The following AMZ1 variants were observed in gnomAD, a reference collection of about 807,000 sequenced individuals.
The protein encoded by AMZ1 is archaelysin family metallopeptidase 1, also known as archaemetzincin-1.
AMZ1 carries 39 observed loss-of-function variants against 29.9 expected under a neutral mutation model. The ratio of observed to expected loss-of-function variants is 1.30; its 90% CI spans 1.01 to 1.70. The LOEUF is 1.70. AMZ1 is among the 40% of genes most tolerant of loss of function. The pLI, the probability that AMZ1 is intolerant of heterozygous loss-of-function variation, is 0.00. For missense variants in AMZ1, 1,041 were observed against 680.6 expected, an observed-to-expected ratio of 1.53 and a Z score of -5.89; for synonymous variants, 458 against 304.0, an observed-to-expected ratio of 1.51 and a Z score of -5.27.
At chr7:2,732,869 C>T (rs955538728) in intron 4 of AMZ1, among the ~76,000 whole-genome samples, 11 of 152,186 alleles carry the variant, frequency 7.2e-5, no homozygotes, top group African/African-American at 2.4e-4. Context: ...CAATGCATGA[C>T]CTTATTAGGT....
downstream of AMZ1, among the ~76,000 whole-genome samples, chr7:2,721,693 G>A (rs1789426710): frequency 6.6e-6 from 1 of 150,540 alleles, no homozygotes; most frequent in Admixed American, 6.6e-5. Context: ...TCCAACCTGG[G>A]CAACAGAGCG....
At chr7:2,747,442 G>A (rs1049504562) in intron 4 of AMZ1, among the ~76,000 whole-genome samples, 4 of 152,208 alleles carry the variant, frequency 2.6e-5, no homozygotes, top group African/African-American at 9.7e-5. Flanking sequence ...CTCAGTAGAT[G>A]CAGAAAAGGC....
intron 1 of AMZ1, among the ~76,000 whole-genome samples, chr7:2,680,495 C>T (rs540744560): frequency 7.2e-4 from 109 of 152,308 alleles, no homozygotes; most frequent in African/African-American, 2.2e-3. Context: ...CCGGGCACGT[C>T]CTTGGCACCC....
At chr7:2,694,304 G>T (rs1562359224) in intron 1 of AMZ1, among the ~76,000 whole-genome samples, 2 of 152,204 alleles carry the variant, frequency 1.3e-5, no homozygotes, top group Non-Finnish European at 2.9e-5. Flanking sequence ...CTTGCCCCGG[G>T]ACTGGATGTC....
In AMZ1 at chr7:2,717,805, T is replaced by A. The variant is rs1321874174; in HGVS notation, c.*4927T>A. On this transcript the variant is annotated 3_prime_UTR_variant, in exon 7 of 7. Coordinates refer to ENST00000683327, the MANE Select transcript of AMZ1 (RefSeq NM_001384743.1). ...GAAGAATGGAGGTTTATTTTTGAAC[T>A]CAGCTTCTTGGGTAGGGAGGCAAAT... is the stretch of plus-strand genomic sequence containing the variant. Among the ~76,000 whole-genome samples, 2 of 152,166 alleles carry A rather than the reference T, an allele frequency of 1.3e-5. No homozygotes were observed. Among genetic ancestry groups the A allele is most frequent in the African/African-American group, 4.8e-5 (2 of 41,438 alleles).
chr7:2,707,936 G>GTCTCAGAC (rs111888815), intron 3 of AMZ1, among the ~76,000 whole-genome samples: 27,282 of 148,508 alleles, frequency 0.18, 4,955 homozygotes, highest in African/African-American at 0.48. Context: ...CAATTCTCCC[G>GTCTCAGAC]TCTCAGACTC....
chr7:2,704,476 C>T lies in AMZ1; in HGVS notation c.472+1587C>T, dbSNP rs368757776. Among the ~76,000 whole-genome samples, 800 of 85,370 alleles carry T rather than the reference C, an allele frequency of 9.4e-3. 9 individuals carry two copies. The highest frequency in any genetic ancestry group is 0.032 in the African/African-American group (751 of 23,264). The allele number at this position is 85,370 out of a possible 152,430, so 56.0% of individuals were successfully genotyped here. A position where few individuals can be genotyped will look rare whatever the true frequency, so the allele number is the denominator to read the frequency against. On this transcript the variant is annotated intron_variant, in intron 3 of 6. Coordinates refer to ENST00000683327, the MANE Select transcript of AMZ1 (RefSeq NM_001384743.1). Reference sequence around the variant, plus strand: ...CTATCCTGGGTGACAGAACAAGACCCGATCATTAAAAAAAAATCACAACCC... The same window carrying T: ...CTATCCTGGGTGACAGAACAAGACCTGATCATTAAAAAAAAATCACAACCC...
chr7:2,720,944 G>A (rs1000990566), downstream of AMZ1, among the ~76,000 whole-genome samples: 11 of 152,206 alleles, frequency 7.2e-5, no homozygotes, highest in African/African-American at 2.7e-4. Context: ...CTCACGAAGT[G>A]CCTGGATTAC....
intron 4 of AMZ1, among the ~76,000 whole-genome samples, chr7:2,755,734 T>C (rs1355976330): frequency 6.6e-6 from 1 of 152,268 alleles, no homozygotes; most frequent in African/African-American, 2.4e-5. Flanking sequence ...TTCCTTTTCT[T>C]GCCTTACTGC....
chr7:2,696,917 G>T lies in AMZ1; in HGVS notation c.-218-3317G>T, dbSNP rs151070972. ...AAAACAAAAACAAAAAACCTTGAGGGCTGGTGGGATTGTAAACTGGTGTGA... is the reference window on the plus strand; with the variant it reads ...AAAACAAAAACAAAAAACCTTGAGGTCTGGTGGGATTGTAAACTGGTGTGA... On this transcript the variant is annotated intron_variant, in intron 1 of 6. Coordinates refer to ENST00000683327, the MANE Select transcript of AMZ1 (RefSeq NM_001384743.1). Among the ~76,000 whole-genome samples, 342 of 152,128 alleles carry T rather than the reference G, an allele frequency of 2.2e-3. 3 individuals are homozygous for T. Among genetic ancestry groups the T allele is most frequent in the African/African-American group, 7.6e-3 (315 of 41,518 alleles).
At chr7:2,693,907 T>C (rs1787554535) in intron 1 of AMZ1, among the ~76,000 whole-genome samples, 1 of 152,226 alleles carries the variant, frequency 6.6e-6, no homozygotes. Context: ...CCTTCTATGC[T>C]ATTTACTTAG....
chr7:2,712,278 G>A (rs970721885), intron 6 of AMZ1, 52 bp from the exon 7 acceptor site: 3 of 1,494,482 alleles, frequency 2.0e-6, no homozygotes, highest in Admixed American at 4.7e-5. Context: ...CAGTTCCCTG[G>A]CTAGACAAGG....
chr7:2,693,396 G>A (rs1258385737), intron 1 of AMZ1, among the ~76,000 whole-genome samples: 1 of 151,930 alleles, frequency 6.6e-6, no homozygotes, highest in African/African-American at 2.4e-5. Flanking sequence ...GATTGTTGTT[G>A]TTGGACACAG....
At chr7:2,689,372 G>GGC (rs1787248869) in intron 1 of AMZ1, among the ~76,000 whole-genome samples, 1 of 151,778 alleles carries the variant, frequency 6.6e-6, no homozygotes, top group African/African-American at 2.4e-5. Flanking sequence ...AACCTCCCTG[G>GGC]GGGGGGGATG....
chr7:2,731,025 C>T lies in AMZ1; in HGVS notation n.550+21209C>T, dbSNP rs996433102. 6 of 572,530 alleles carry T rather than the reference C, an allele frequency of 1.0e-5. No homozygotes were observed. The highest frequency in any genetic ancestry group is 4.5e-4 in the Middle Eastern group (1 of 2,202). The allele number at this position is 572,530 out of a possible 1,614,324, so 35.5% of individuals were successfully genotyped here. On this transcript the variant is annotated intron_variant and non_coding_transcript_variant, in intron 4 of 4. Transcript: ENST00000489665. This position sits in a 1 kb window ranked among gnomAD's most constrained non-coding sequence, Gnocchi z 6.0. ...TTTCCATGTCCTTTTGCCTAGAGCT[C>T]GCTGGCTGGCTGGTCTGACAGCATT...
At chr7:2,680,300 C>G (rs1786836357) in intron 1 of AMZ1, among the ~76,000 whole-genome samples, 1 of 152,152 alleles carries the variant, frequency 6.6e-6, no homozygotes, top group Non-Finnish European at 1.5e-5. Context: ...GCACTCGGCT[C>G]TCTGGGGACC....
chr7:2,748,868 C>G (rs1364852741), intron 4 of AMZ1, among the ~76,000 whole-genome samples: 3 of 152,180 alleles, frequency 2.0e-5, no homozygotes, highest in African/African-American at 7.2e-5. Context: ...ACAGACACTT[C>G]TCAAAAAAAG....
upstream of AMZ1, chr7:2,762,709 C>T (rs1453256054): frequency 1.3e-6 from 2 of 1,564,664 alleles, no homozygotes; most frequent in African/African-American, 1.4e-5. Flanking sequence ...GGAGGAGCGC[C>T]AGAGGGAAGC....
intron 1 of AMZ1, among the ~76,000 whole-genome samples, chr7:2,691,127 G>GAGCA (rs1437703514): frequency 4.5e-4 from 48 of 106,146 alleles, no homozygotes; most frequent in African/African-American, 1.8e-3. Flanking sequence ...CTGGGTGACA[G>GAGCA]AGGCAAAAAA....
Sources: gnomAD v4.1 joint callset for allele counts (sites outside exome capture counted in the v4.1 genomes callset) on GRCh38, gnomAD v4.1.1 for gene constraint, Gnocchi (gnomAD v3.1) non-coding constraint, MANE v1.5 for transcripts, NCBI Gene and HGNC (gene_info 2026-07-23, HGNC 2026-07-21) for gene names.